Variants in CDK1 observed in about 807,000 individuals in gnomAD.
CDK1 encodes the protein cyclin-dependent kinase 1.
CDK1 carries 5 observed loss-of-function variants against 34.6 expected under a neutral mutation model. That is an observed-to-expected ratio of 0.14 (90% CI 0.08 to 0.30). CDK1 has a LOEUF of 0.30. Among genes scored for constraint, CDK1 ranks in the 10% least tolerant of loss-of-function variants. The pLI is 1.00. For missense variants in CDK1, 157 were observed against 345.7 expected (o/e 0.45, Z 4.33); for synonymous variants, 108 against 114.7 (o/e 0.94, Z 0.37).
rs372370051 is a variant in CDK1 at position 60,784,188 on chromosome 10, A to G, written c.38-517A>G. On this transcript the variant is annotated intron_variant, in intron 2 of 7. Coordinates refer to ENST00000395284, the MANE Select transcript of CDK1 (RefSeq NM_001786.5). ...TTAGATGTATAGAAAACTTGTGATG[A>G]CTACATGAATTTTATTTTTAAGCCA... Among the ~76,000 whole-genome samples, 3 of 152,340 alleles carry G rather than the reference A, an allele frequency of 2.0e-5. No homozygotes were observed. In the East Asian group the frequency reaches 5.8e-4, roughly 29 times the overall value.
intron 7 of CDK1, among the ~76,000 whole-genome samples, chr10:60,793,261 C>CTAGT (rs2080373731): frequency 6.6e-6 from 1 of 151,998 alleles, no homozygotes; most frequent in Admixed American, 6.6e-5. Flanking sequence ...CAGATGGTAA[C>CTAGT]TAGTTAGTAA....
rs534426696 is a variant in CDK1 at position 60,792,823 on chromosome 10, C to T, written c.795+534C>T. Among the ~76,000 whole-genome samples, 43 of 152,162 alleles carry T rather than the reference C, an allele frequency of 2.8e-4. No individual in the cohort carries two copies. The South Asian group carries it at 8.7e-3, about 31-fold the overall frequency. ...CCACAAAATTAAGCTTAGATTTCCC[C>T]CAAATCAAATACTATAAATCAGATT... On this transcript the variant is annotated intron_variant, in intron 7 of 7. Transcript: ENST00000395284.
chr10:60,784,926 G>T lies in CDK1; in HGVS notation c.194+65G>T. 2.1e-6 allele frequency: 3 copies of T among 1,454,744 alleles called. No individual in the cohort carries two copies. In the Admixed American group the frequency reaches 5.3e-5, roughly 26 times the overall value. The allele number at this position is 1,454,744 out of a possible 1,614,324, so 90.1% of individuals were successfully genotyped here. ...CTATTTCAAATATAAATTTCAACTTGGAAATCTTTACATTTGCTCAATTTC... is the reference window on the plus strand; with the variant it reads ...CTATTTCAAATATAAATTTCAACTTTGAAATCTTTACATTTGCTCAATTTC... On this transcript the variant is annotated intron_variant, in intron 3 of 7. Coordinates refer to ENST00000395284, the MANE Select transcript of CDK1 (RefSeq NM_001786.5).
At chr10:60,793,022 A>G (rs2080372221) in intron 7 of CDK1, among the ~76,000 whole-genome samples, 2 of 152,204 alleles carry the variant, frequency 1.3e-5, no homozygotes, top group African/African-American at 4.8e-5. Context: ...ATATTGCCAA[A>G]TGTCTCCTGA....
At chr10:60,786,224 T>C (rs1473777634) in intron 4 of CDK1, 3 of 927,744 alleles carry the variant, frequency 3.2e-6, no homozygotes, top group African/African-American at 1.8e-5. Flanking sequence ...TATATAAAAG[T>C]GTCTTATTCT....
At chr10:60,781,060 T>TATA (rs201838771) in intron 2 of CDK1, among the ~76,000 whole-genome samples, 2 of 62,944 alleles carry the variant, frequency 3.2e-5, no homozygotes, top group African/African-American at 1.1e-4. Context: ...ATATATATAT[T>TATA]TTTTTTTTAA....
At chr10:60,781,519 G>A (rs750170171) in intron 2 of CDK1, among the ~76,000 whole-genome samples, 4 of 152,114 alleles carry the variant, frequency 2.6e-5, no homozygotes, top group Non-Finnish European at 4.4e-5. Context: ...ATTATGGAAA[G>A]CATTTGTTAT....
At chr10:60,791,828 G>GTT in intron 5 of CDK1, 62 bp from the exon 6 acceptor site, 2 of 864,754 alleles carry the variant, frequency 2.3e-6, no homozygotes, top group Non-Finnish European at 3.6e-6. Context: ...AAATATAAAT[G>GTT]TTTAAGTGTA....
chr10:60,786,006 CAT>C (rs1490624136), intron 4 of CDK1: 2 of 1,158,418 alleles, frequency 1.7e-6, no homozygotes, highest in South Asian at 4.0e-5. Context: ...CCTGAGATAA[CAT>C]AGAACTGGTA....
At chr10:60,787,442 G>A (rs1163317536) in intron 4 of CDK1, among the ~76,000 whole-genome samples, 2 of 151,992 alleles carry the variant, frequency 1.3e-5, no homozygotes, top group Admixed American at 1.3e-4. Flanking sequence ...CTAAGATGGA[G>A]CATCTGTATT....
chr10:60,783,779 C>G (rs1312523669), intron 2 of CDK1, among the ~76,000 whole-genome samples: 1 of 152,116 alleles, frequency 6.6e-6, no homozygotes, highest in Non-Finnish European at 1.5e-5. Flanking sequence ...TATTGTTGCT[C>G]ATTACCTGAA....
At chr10:60,782,505 A>G (rs964669509) in intron 2 of CDK1, among the ~76,000 whole-genome samples, 1 of 152,192 alleles carries the variant, frequency 6.6e-6, no homozygotes, top group Non-Finnish European at 1.5e-5. Context: ...TTTTTGGATC[A>G]TAGAGTAGCA....
In CDK1 at chr10:60,785,649, A is replaced by T; in HGVS notation, c.195-15A>T. ...TGTTTGCTGGATTCTTCTCTCATAT[A>T]TTTTTTTTCCCCAGTCTTCAGGATG... On this transcript the variant is annotated splice_polypyrimidine_tract_variant and intron_variant, in intron 3 of 7. Coordinates refer to ENST00000395284, the MANE Select transcript of CDK1 (RefSeq NM_001786.5). 3 of 1,522,702 alleles carry T rather than the reference A, an allele frequency of 2.0e-6. No homozygotes were observed. The highest frequency in any genetic ancestry group is 1.8e-6 in the Non-Finnish European group (2 of 1,114,050). The allele number at this position is 1,522,702 out of a possible 1,614,324, so 94.3% of individuals were successfully genotyped here. A position where few individuals can be genotyped will look rare whatever the true frequency, so the allele number is the denominator to read the frequency against.
At chr10:60,789,506 T>G (rs973814478) in intron 5 of CDK1, among the ~76,000 whole-genome samples, 3 of 152,218 alleles carry the variant, frequency 2.0e-5, no homozygotes, top group Admixed American at 2.0e-4. Flanking sequence ...CTGGCTTATT[T>G]CATGGCTCAT....
chr10:60,779,574 G>T (rs563275012), intron 1 of CDK1, among the ~76,000 whole-genome samples: 1 of 152,246 alleles, frequency 6.6e-6, no homozygotes, highest in East Asian at 1.9e-4. Flanking sequence ...ATGTTTGTCT[G>T]TGACCTCAGC....
chr10:60,789,591 C>G (rs997124963), intron 5 of CDK1, among the ~76,000 whole-genome samples: 1 of 152,048 alleles, frequency 6.6e-6, no homozygotes, highest in African/African-American at 2.4e-5. Context: ...ATTGCGTGCA[C>G]GTATGTGTGT....
In CDK1 at chr10:60,792,061, T is replaced by C; in HGVS notation, c.653+8T>C. ...ACTCTTCAGGATTTTCAGGTAGCTA[T>C]TAAAAACTGAGATAATAAAGGTAAC... On this transcript the variant is annotated splice_region_variant and intron_variant, in intron 6 of 7. Coordinates refer to ENST00000395284, the MANE Select transcript of CDK1 (RefSeq NM_001786.5). 1 of 1,607,370 alleles carries C rather than the reference T, an allele frequency of 6.2e-7. No individual in the cohort carries two copies. The highest frequency in any genetic ancestry group is 1.1e-5 in the South Asian group (1 of 90,300).
chr10:60,791,858 T>G, intron 5 of CDK1, 32 bp from the exon 6 acceptor site: 1 of 1,354,914 alleles, frequency 7.4e-7, no homozygotes, highest in Non-Finnish European at 1.0e-6. Context: ...ATGCACCACA[T>G]TTATTCATTG....
intron 7 of CDK1, 101 bp from the exon 8 acceptor site, chr10:60,793,776 T>C (rs2080377653): frequency 1.6e-6 from 1 of 618,376 alleles, no homozygotes; most frequent in Non-Finnish European, 2.8e-6. Context: ...ACTGAAAGTA[T>C]TAGTTTTGGT....
Sources: allele counts gnomAD v4.1 joint callset (sites outside exome capture counted in the v4.1 genomes callset), GRCh38; gene constraint gnomAD v4.1.1; transcripts MANE v1.5; gene names NCBI Gene and HGNC (gene_info 2026-07-23, HGNC 2026-07-21).